Variants in EIF4ENIF1 observed in about 807,000 individuals in gnomAD.
The protein encoded by EIF4ENIF1 is eukaryotic translation initiation factor 4E nuclear import factor 1.
EIF4ENIF1 carries 23 observed loss-of-function variants against 110.5 expected under a neutral mutation model. The observed-to-expected ratio is 0.21, with a 90% CI of 0.15 to 0.29. EIF4ENIF1 has a LOEUF of 0.29. Among genes scored for constraint, EIF4ENIF1 ranks in the 10% least tolerant of loss-of-function variants. The pLI is 1.00. For missense variants in EIF4ENIF1, 1,031 were observed against 1,221.1 expected (o/e 0.84, Z 2.32); for synonymous variants, 440 against 437.0 (o/e 1.01, Z -0.09).
intron 3 of EIF4ENIF1, among the ~76,000 whole-genome samples, chr22:31,468,869 T>C (rs2051276636): frequency 6.6e-6 from 1 of 152,204 alleles, no homozygotes; most frequent in South Asian, 2.1e-4. Flanking sequence ...ACCATATACC[T>C]TGGCATGCAC....
chr22:31,440,708 G>T lies in EIF4ENIF1; in HGVS notation c.2712C>A (p.Arg904=). ...HLAMVQQQLQ[R]SVLHPPGSGS... ...CTGTCACATTCCTGAACCTACCTGA[G>T]CGCTGTAGCTGCTGTTGCACCATTG... The change falls in exon 18 of 19, where the codon CGC becomes CGA. Residue 904 remains arginine (R), a synonymous_variant. Transcript: ENST00000330125. 6.2e-7 allele frequency: 1 copy of T among 1,613,806 alleles called. No homozygotes were observed. Among genetic ancestry groups the T allele is most frequent in the Non-Finnish European group, 8.5e-7 (1 of 1,179,808 alleles).
At chr22:31,443,806 CT>C (rs386395221) in intron 15 of EIF4ENIF1, among the ~76,000 whole-genome samples, 2,023 of 129,120 alleles carry the variant, frequency 0.016, 28 homozygotes, top group African/African-American at 0.048. Context: ...GGGAATGAAC[CT>C]TTTTTTTTTT....
chr22:31,489,349 C>T (rs1439805353), intron 1 of EIF4ENIF1: 1 of 152,498 alleles, frequency 6.6e-6, no homozygotes, highest in East Asian at 1.9e-4. Context: ...CAGGCCCGGG[C>T]CCAGCGGCCT....
At chr22:31,474,561 A>G (rs2051505003) in intron 2 of EIF4ENIF1, among the ~76,000 whole-genome samples, 1 of 151,660 alleles carries the variant, frequency 6.6e-6, no homozygotes, top group African/African-American at 2.4e-5. Context: ...CAGCCCTGGA[A>G]TCAGCTATTT....
chr22:31,471,373 A>G (rs1230327795), intron 3 of EIF4ENIF1, among the ~76,000 whole-genome samples: 1 of 150,002 alleles, frequency 6.7e-6, no homozygotes, highest in African/African-American at 2.5e-5. Flanking sequence ...GGAGTGCAGT[A>G]GTGCGATCTC....
At chr22:31,456,695 T>C (rs2050843284) in intron 7 of EIF4ENIF1, among the ~76,000 whole-genome samples, 1 of 152,064 alleles carries the variant, frequency 6.6e-6, no homozygotes, top group Non-Finnish European at 1.5e-5. Flanking sequence ...TTTAATTTTA[T>C]TTTTAGTAGA....
At chr22:31,442,189 T>A (rs1296985489) in intron 16 of EIF4ENIF1, 71 bp from the exon 17 acceptor site, 2 of 1,175,538 alleles carry the variant, frequency 1.7e-6, no homozygotes, top group Non-Finnish European at 2.4e-6. Flanking sequence ...ACTGGTCTAA[T>A]AAATCTCATT....
At chr22:31,453,088 G>C (rs1003016327) in intron 10 of EIF4ENIF1, among the ~76,000 whole-genome samples, 1 of 152,158 alleles carries the variant, frequency 6.6e-6, no homozygotes, top group African/African-American at 2.4e-5. Flanking sequence ...TTAGCAACTA[G>C]AATAAGTCCA....
At chr22:31,490,988 GT>G (rs1270080497), upstream of EIF4ENIF1, among the ~76,000 whole-genome samples, 1 of 152,168 alleles carries the variant, frequency 6.6e-6, no homozygotes, top group African/African-American at 2.4e-5. Context: ...AAAACTTTTC[GT>G]TTGTATTACT....
intron 10 of EIF4ENIF1, among the ~76,000 whole-genome samples, chr22:31,451,887 G>A (rs984265736): frequency 7.2e-4 from 110 of 152,170 alleles, no homozygotes; most frequent in African/African-American, 2.7e-3. Flanking sequence ...TTTCTCTGGT[G>A]TAGTTTCCCT....
At chr22:31,473,480 C>T (rs1444848371) in intron 2 of EIF4ENIF1, among the ~76,000 whole-genome samples, 1 of 152,176 alleles carries the variant, frequency 6.6e-6, no homozygotes, top group African/African-American at 2.4e-5. Flanking sequence ...AGTCTAGAAT[C>T]AGATATTTGA....
chr22:31,488,820 C>G, intron 1 of EIF4ENIF1, 75 bp from the exon 2 acceptor site: 1 of 1,483,492 alleles, frequency 6.7e-7, no homozygotes, highest in Non-Finnish European at 8.9e-7. Context: ...TCTTCAGAAG[C>G]TGAAACTTTT....
intron 2 of EIF4ENIF1, among the ~76,000 whole-genome samples, chr22:31,474,067 T>C (rs559465382): frequency 4.0e-5 from 6 of 151,704 alleles, no homozygotes; most frequent in African/African-American, 7.2e-5. Flanking sequence ...TTTTCCTCTT[T>C]TTTTTTTTTT....
At chr22:31,445,268 T>C (rs953418559) in intron 14 of EIF4ENIF1, among the ~76,000 whole-genome samples, 4 of 151,356 alleles carry the variant, frequency 2.6e-5, no homozygotes, top group African/African-American at 9.7e-5. Flanking sequence ...ACAGAACTGA[T>C]GCTGTGTGTG....
chr22:31,457,067 T>G (rs1028166414), intron 7 of EIF4ENIF1, among the ~76,000 whole-genome samples: 2 of 152,154 alleles, frequency 1.3e-5, no homozygotes, highest in Non-Finnish European at 2.9e-5. Context: ...ATCTTGAGAG[T>G]TTCAGAAGCC....
Position 31,448,204 on chromosome 22 carries a change from G to T in EIF4ENIF1, c.1797C>A (p.Leu599=). ...IGFTPGPQQL[L]GDPFQGMRKP... is the part of the protein sequence containing the mutation. ...TGCGCATGCCTTGGAATGGATCTCCGAGTAGCTGCTGTGGTCCTGGTGTGA... is the reference window on the plus strand; with the variant it reads ...TGCGCATGCCTTGGAATGGATCTCCTAGTAGCTGCTGTGGTCCTGGTGTGA... Residue 599 remains leucine, a synonymous_variant, in exon 13 of 19, where the codon CTC becomes CTA. Transcript: ENST00000330125. 1 of 1,614,194 alleles carries T rather than the reference G, an allele frequency of 6.2e-7. No individual in the cohort carries two copies. Among genetic ancestry groups the T allele is most frequent in the Non-Finnish European group, 8.5e-7 (1 of 1,180,024 alleles).
At chr22:31,438,927 G>A (rs2050214065), downstream of EIF4ENIF1, among the ~76,000 whole-genome samples, 1 of 152,070 alleles carries the variant, frequency 6.6e-6, no homozygotes, top group African/African-American at 2.4e-5. Context: ...TCACCATCTT[G>A]GCTAGGATGG....
chr22:31,455,632 T>C (rs1028431512), intron 8 of EIF4ENIF1, among the ~76,000 whole-genome samples: 2 of 152,100 alleles, frequency 1.3e-5, no homozygotes, highest in African/African-American at 4.8e-5. Flanking sequence ...ACTCCTAACC[T>C]TGTGATCTGC....
intron 8 of EIF4ENIF1, 95 bp downstream of exon 8, chr22:31,455,757 G>C: frequency 2.0e-6 from 3 of 1,504,422 alleles, no homozygotes; most frequent in Non-Finnish European, 2.7e-6. Flanking sequence ...GAGACCCTTT[G>C]ACCCTAATTG....
Sources: allele counts gnomAD v4.1 joint callset (sites outside exome capture counted in the v4.1 genomes callset), GRCh38; gene constraint gnomAD v4.1.1; transcripts MANE v1.5; gene names NCBI Gene and HGNC (gene_info 2026-07-23, HGNC 2026-07-21).